The following ETV1 variants were observed in gnomAD, a reference collection of about 807,000 sequenced individuals.
ETV1 encodes the protein ETS variant transcription factor 1.
Under a neutral mutation model 62.3 loss-of-function variants are expected in ETV1, and 27 were observed. The ratio of observed to expected loss-of-function variants is 0.43; its 90% CI spans 0.32 to 0.60. The LOEUF (loss-of-function observed/expected upper bound fraction) is 0.60. Among genes scored for constraint, ETV1 ranks in the 20% least tolerant of loss-of-function variants. The probability of loss-of-function intolerance (pLI) is 0.06; values close to 1 mark genes in which losing one functional copy is unlikely to be tolerated. For synonymous variants in ETV1, 222 were observed against 199.6 expected (o/e 1.11, Z -0.94); for missense variants, 605 against 605.8 (o/e 1.00, Z 0.01).
At chr7:13,948,224 T>C (rs558752866) in intron 6 of ETV1, among the ~76,000 whole-genome samples, 2 of 152,228 alleles carry the variant, frequency 1.3e-5, no homozygotes, top group Non-Finnish European at 2.9e-5. Context: ...GGTCTCCTTC[T>C]ATATGTGGAC....
intron 6 of ETV1, among the ~76,000 whole-genome samples, chr7:13,948,371 G>A (rs1000932883): frequency 1.3e-5 from 2 of 152,184 alleles, no homozygotes; most frequent in Admixed American, 6.5e-5. Flanking sequence ...AGAGAAACAC[G>A]TCATATTTTT....
chr7:13,900,648 AGCAAT>A (rs775628700), intron 13 of ETV1, 85 bp downstream of exon 13: 268 of 907,332 alleles, frequency 3.0e-4, no homozygotes, highest in Non-Finnish European at 4.3e-4. Flanking sequence ...AACTCGCTTC[AGCAAT>A]GCAATGATAT....
chr7:13,957,029 C>G (rs1789543996), intron 6 of ETV1, among the ~76,000 whole-genome samples: 1 of 152,064 alleles, frequency 6.6e-6, no homozygotes, highest in Non-Finnish European at 1.5e-5. Flanking sequence ...TTTAAAACGT[C>G]AAACTATATT....
intron 9 of ETV1, among the ~76,000 whole-genome samples, chr7:13,926,163 A>G (rs546968619): frequency 6.6e-6 from 1 of 152,158 alleles, no homozygotes; most frequent in African/African-American, 2.4e-5. Context: ...TATATTTTTA[A>G]TATTTTGCTT....
chr7:13,906,417 C>G lies in ETV1; in HGVS notation c.1110+13G>C. The G allele has an allele frequency of 6.5e-7, 1 of 1,532,806 alleles. No individual in the cohort carries two copies. Among genetic ancestry groups the G allele is most frequent in the Non-Finnish European group, 8.8e-7 (1 of 1,140,646 alleles). 95.0% of individuals were successfully genotyped at this position (1,532,806 alleles called of 1,614,324 possible). On this transcript the variant is annotated intron_variant, in intron 12 of 13. Coordinates refer to ENST00000430479, the MANE Select transcript of ETV1 (RefSeq NM_004956.5). ...CATGTCTGAGTGTCCTAATTAAAAT[C>G]TATTAAACTAACCTCTTCAGGCTCA...
chr7:13,951,184 G>C (rs184293565), intron 6 of ETV1, among the ~76,000 whole-genome samples: 1 of 151,916 alleles, frequency 6.6e-6, no homozygotes, highest in African/African-American at 2.4e-5. Context: ...ATGTGCATGT[G>C]CATGTTCTCT....
At chr7:13,988,583 G>A (rs1338294673) in intron 3 of ETV1, 349 of 553,500 alleles carry the variant, frequency 6.3e-4, no homozygotes, top group South Asian at 2.7e-3. Flanking sequence ...AAAGCAAAAA[G>A]AGTAGAGAAA....
rs545938672 is a variant in ETV1, at chr7:13,930,964, C to A, written c.802+538G>T. Among the ~76,000 whole-genome samples, 15 of 151,502 alleles carry A rather than the reference C, an allele frequency of 9.9e-5. No individual in the cohort carries two copies. In the South Asian group the frequency reaches 3.2e-3, roughly 32 times the overall value. Reference sequence around the variant, plus strand: ...TACAGGCACGTGCCACCATGCCTGGCTAATTTTTTGTACTTTTAGTAGAGA... The same window carrying A: ...TACAGGCACGTGCCACCATGCCTGGATAATTTTTTGTACTTTTAGTAGAGA... On this transcript the variant is annotated intron_variant, in intron 9 of 13. Transcript: ENST00000430479.
intron 9 of ETV1, among the ~76,000 whole-genome samples, chr7:13,913,910 A>T (rs1307881435): frequency 1.4e-4 from 16 of 117,524 alleles, no homozygotes; most frequent in Non-Finnish European, 2.1e-4. Flanking sequence ...TTTGAGACAG[A>T]GTCTCGCTCT....
At chr7:13,913,475 T>C (rs1165342030) in intron 9 of ETV1, among the ~76,000 whole-genome samples, 4 of 152,154 alleles carry the variant, frequency 2.6e-5, no homozygotes, top group African/African-American at 9.7e-5. Context: ...ATAATAATAA[T>C]AATGACATCC....
intron 9 of ETV1, among the ~76,000 whole-genome samples, chr7:13,931,236 G>C (rs568306429): frequency 6.6e-6 from 1 of 152,150 alleles, no homozygotes; most frequent in African/African-American, 2.4e-5. Flanking sequence ...TGTCCCTCTC[G>C]AGCTGAGACT....
intron 6 of ETV1, among the ~76,000 whole-genome samples, chr7:13,943,245 G>A (rs1257890059): frequency 6.6e-6 from 1 of 152,148 alleles, no homozygotes; most frequent in African/African-American, 2.4e-5. Flanking sequence ...ATATGCAAAG[G>A]TATTTAAAAT....
chr7:13,904,848 G>A (rs1394810856), intron 12 of ETV1, among the ~76,000 whole-genome samples: 1 of 151,388 alleles, frequency 6.6e-6, no homozygotes, highest in Non-Finnish European at 1.5e-5. Context: ...TAACATTTTT[G>A]TGGTTCTTTC....
intron 12 of ETV1, among the ~76,000 whole-genome samples, chr7:13,902,798 G>A (rs1782571890): frequency 6.6e-6 from 1 of 152,160 alleles, no homozygotes; most frequent in Non-Finnish European, 1.5e-5. Context: ...ACAATGTTGT[G>A]GAGGTCTCTG....
chr7:13,909,773 A>G, intron 10 of ETV1, 73 bp from the exon 11 acceptor site: 1 of 1,287,644 alleles, frequency 7.8e-7, no homozygotes, highest in Non-Finnish European at 1.1e-6. Flanking sequence ...ATAACCATTT[A>G]ACATAAAAAT....
At position 13,894,897 on chromosome 7, in the gene ETV1, G is replaced by A. The variant is rs1212555690; in HGVS notation, c.*969C>T. On this transcript the variant is annotated 3_prime_UTR_variant, in exon 14 of 14. Coordinates refer to ENST00000430479, the MANE Select transcript of ETV1 (RefSeq NM_004956.5). ...GTGTATTGGATATTTTTCTTAAAGAGTGTTTGCTGTAACTAGAACAGCATA... is the reference window on the plus strand; with the variant it reads ...GTGTATTGGATATTTTTCTTAAAGAATGTTTGCTGTAACTAGAACAGCATA... 4.3e-6 allele frequency: 1 copy of A among 232,656 alleles called. No individual in the cohort carries two copies. The highest frequency in any genetic ancestry group is 2.2e-5 in the African/African-American group (1 of 45,274). The allele number at this position is 232,656 out of a possible 1,614,324, so 14.4% of individuals were successfully genotyped here. A position where few individuals can be genotyped will look rare whatever the true frequency, so the allele number is the denominator to read the frequency against.
chr7:13,945,786 C>A (rs1426230281), intron 6 of ETV1, among the ~76,000 whole-genome samples: 3 of 152,188 alleles, frequency 2.0e-5, no homozygotes, highest in Non-Finnish European at 4.4e-5. Context: ...TTCATTGGCA[C>A]AGGCACAAGC....
intron 9 of ETV1, among the ~76,000 whole-genome samples, chr7:13,914,257 A>G (rs1052165574): frequency 6.6e-6 from 1 of 152,042 alleles, no homozygotes; most frequent in South Asian, 2.1e-4. Context: ...TCTGGTTTTA[A>G]AAGTTTTAAA....
chr7:13,932,465 AT>A (rs1321976252), intron 8 of ETV1, among the ~76,000 whole-genome samples: 5 of 152,198 alleles, frequency 3.3e-5, no homozygotes, highest in Non-Finnish European at 5.9e-5. Flanking sequence ...AAAAATAAGC[AT>A]AAATGCACAG....
Sources: allele counts gnomAD v4.1 joint callset (sites outside exome capture counted in the v4.1 genomes callset), GRCh38; gene constraint gnomAD v4.1.1; transcripts MANE v1.5; gene names NCBI Gene and HGNC (gene_info 2026-07-23, HGNC 2026-07-21).